Variants in CDH1 observed in about 807,000 individuals in gnomAD.
The protein encoded by CDH1 is cadherin-1.
Under a neutral mutation model 84.5 loss-of-function variants are expected in CDH1, and 35 were observed. The observed-to-expected ratio is 0.41, with a 90% CI of 0.32 to 0.55. The LOEUF (loss-of-function observed/expected upper bound fraction) is 0.55, where lower values mean the gene tolerates loss of function less well. CDH1 is among the 20% of genes least tolerant of loss of function. The pLI, the probability that CDH1 is intolerant of heterozygous loss-of-function variation, is 0.19. For missense variants in CDH1, 994 were observed against 1,126.6 expected, an observed-to-expected ratio of 0.88 and a Z score of 1.68; for synonymous variants, 417 against 439.0, an observed-to-expected ratio of 0.95 and a Z score of 0.63.
rs35209843 is a variant in CDH1 at position 68,748,111 on chromosome 16, C to CTTT, written c.163+9716_163+9718dup. Among the ~76,000 whole-genome samples, 39 of 113,140 alleles carry CTTT rather than the reference C, an allele frequency of 3.4e-4. 1 individual carries two copies. Among genetic ancestry groups the CTTT allele is most frequent in the African/African-American group, 1.2e-3 (37 of 29,938 alleles). The allele number at this position is 113,140 out of a possible 152,430, so 74.2% of individuals were successfully genotyped here. On this transcript the variant is annotated intron_variant, in intron 2 of 15. Transcript: ENST00000261769. ...TAAAAAAATTTTTAAAAATTATTTA[C>CTTT]TTTTTTTTTTTTTTTTTTGAGACAG... is the stretch of plus-strand genomic sequence containing the variant.
chr16:68,755,168 T>C (rs534324795), intron 2 of CDH1, among the ~76,000 whole-genome samples: 31 of 150,794 alleles, frequency 2.1e-4, no homozygotes, highest in Non-Finnish European at 4.0e-4. Flanking sequence ...TCCCAGCTAC[T>C]TGGGAGCTGG....
intron 9 of CDH1, 63 bp from the exon 10 acceptor site, chr16:68,815,452 T>G: frequency 1.2e-6 from 2 of 1,607,050 alleles, no homozygotes; most frequent in Non-Finnish European, 1.7e-6. Flanking sequence ...AAGGATTTAA[T>G]TTTATTTTTA....
rs889358029 is a variant in CDH1 at position 68,823,992 on chromosome 16, C to CTT, written c.2164+387_2164+388dup. ...GCATAGGGCCACAGATTCTGCATTT[C>CTT]TTTTTTTTTTTTTTTTTTTTTTGAG... On this transcript the variant is annotated intron_variant, in intron 13 of 15. Transcript: ENST00000261769. 5.4e-3 allele frequency among the ~76,000 whole-genome samples: 541 copies of CTT among 99,838 alleles called. 7 individuals are homozygous for CTT. Among genetic ancestry groups the CTT allele is most frequent in the Middle Eastern group, 0.014 (2 of 140 alleles). The allele number at this position is 99,838 out of a possible 152,430, so 65.5% of individuals were successfully genotyped here. A position where few individuals can be genotyped will look rare whatever the true frequency, so the allele number is the denominator to read the frequency against.
chr16:68,808,312 CT>C, intron 3 of CDH1, 111 bp from the exon 4 acceptor site: 5 of 1,084,416 alleles, frequency 4.6e-6, no homozygotes, highest in Non-Finnish European at 7.1e-6. Flanking sequence ...TAAATTCAAA[CT>C]GTACACTGCC....
intron 2 of CDH1, among the ~76,000 whole-genome samples, chr16:68,768,375 T>C (rs755218884): frequency 1.6e-4 from 25 of 152,228 alleles, no homozygotes; most frequent in Non-Finnish European, 3.1e-4. Flanking sequence ...ACAAGATCAG[T>C]TGCGTAATTA....
At position 68,810,305 on chromosome 16, in the gene CDH1, G is replaced by T. The variant is rs1555515463; in HGVS notation, c.796G>T (p.Val266Phe). The T allele has an allele frequency of 1.2e-6, 2 of 1,614,126 alleles. No individual in the cohort carries two copies. Among genetic ancestry groups the T allele is most frequent in the South Asian group, 2.2e-5 (2 of 91,082 alleles). ...NDNKPEFTQE[V>F]FKGSVMEGAL... ...CAACAAGCCCGAATTCACCCAGGAG[G>T]TCTTTAAGGGGTCTGTCATGGAAGG... The change falls in exon 6 of 16, where the codon GTC becomes TTC. Residue 266 changes from valine (V) to phenylalanine (F), a missense_variant. Transcript: ENST00000261769.
In CDH1 at chr16:68,833,343, C is replaced by G. The variant is rs779267700; in HGVS notation, c.2493C>G (p.Leu831=). 6 of 1,614,062 alleles carry G rather than the reference C, an allele frequency of 3.7e-6. No individual in the cohort carries two copies. The East Asian group carries it at 1.3e-4, about 36-fold the overall frequency. ...CAGCCCCGCCTTATGATTCTCTGCT[C>G]GTGTTTGACTATGAAGGAAGCGGTT... The part of the protein sequence containing the change: ...DPTAPPYDSL[L]VFDYEGSGSE... Residue 831 remains leucine (L), a synonymous_variant, in exon 16 of 16, where the codon CTC becomes CTG. Coordinates refer to ENST00000261769, the MANE Select transcript of CDH1 (RefSeq NM_004360.5).
chr16:68,750,680 G>A (rs1962863606), intron 2 of CDH1, among the ~76,000 whole-genome samples: 1 of 151,066 alleles, frequency 6.6e-6, no homozygotes, highest in Non-Finnish European at 1.5e-5. Context: ...TGGCATTCAG[G>A]TACGCCTGTA....
At chr16:68,831,651 T>C (rs1039132517) in intron 15 of CDH1, among the ~76,000 whole-genome samples, 6 of 152,066 alleles carry the variant, frequency 3.9e-5, no homozygotes, top group Admixed American at 2.6e-4. Flanking sequence ...GCGATTCTCC[T>C]GCCTCAGCCT....
chr16:68,758,161 A>T, intron 2 of CDH1, among the ~76,000 whole-genome samples: 1 of 113,372 alleles, frequency 8.8e-6, no homozygotes, highest in South Asian at 2.8e-4. Context: ...CCTCCCCTCT[A>T]TCCCAACCCC....
chr16:68,827,292 A>G (rs117776062), intron 13 of CDH1, among the ~76,000 whole-genome samples: 4,722 of 152,096 alleles, frequency 0.031, 119 homozygotes, highest in East Asian at 0.072. Context: ...AAATAAATAA[A>G]TAAATAAAGA....
intron 2 of CDH1, among the ~76,000 whole-genome samples, chr16:68,789,952 A>T (rs1818431366): frequency 1.3e-5 from 2 of 152,214 alleles, no homozygotes; most frequent in African/African-American, 4.8e-5. Context: ...TCTACTCGGG[A>T]GGCTGAGGCA....
In CDH1 at chr16:68,749,828, C is replaced by G. The variant is rs35734566; in HGVS notation, c.163+11417C>G. The stretch of plus-strand genomic sequence containing the variant: ...GCCAAACTCAGCATCTCCAGTGGGA[C>G]CTGATTCACCTTTCTAAAGGAAACG... On this transcript the variant is annotated intron_variant, in intron 2 of 15. Transcript: ENST00000261769. Among the ~76,000 whole-genome samples, 705 of 152,292 alleles carry G rather than the reference C, an allele frequency of 4.6e-3. 17 individuals are homozygous for G. In the East Asian group the frequency reaches 0.047, roughly 10 times the overall value.
chr16:68,749,805 C>A (rs1962842377), intron 2 of CDH1, among the ~76,000 whole-genome samples: 1 of 152,218 alleles, frequency 6.6e-6, no homozygotes, highest in African/African-American at 2.4e-5. Context: ...ACACTGTTGC[C>A]AAACTCAGCA....
intron 10 of CDH1, among the ~76,000 whole-genome samples, chr16:68,818,533 C>CTT (rs869272949): frequency 2.4e-4 from 30 of 123,326 alleles, no homozygotes; most frequent in Middle Eastern, 4.3e-3. Context: ...TCTTGGTTTT[C>CTT]TTTTTTTTTT....
intron 9 of CDH1, among the ~76,000 whole-genome samples, chr16:68,815,313 C>A (rs1960951548): frequency 1.3e-5 from 2 of 152,026 alleles, no homozygotes; most frequent in African/African-American, 4.8e-5. Flanking sequence ...CCCAGCTTTG[C>A]CTTCCTCTTG....
At chr16:68,792,792 T>C (rs1293816831) in intron 2 of CDH1, among the ~76,000 whole-genome samples, 1 of 152,236 alleles carries the variant, frequency 6.6e-6, no homozygotes, top group African/African-American at 2.4e-5. Flanking sequence ...GGTCCTGGGC[T>C]AATTTTTCCT....
chr16:68,781,635 G>C (rs544576086), intron 2 of CDH1, among the ~76,000 whole-genome samples: 1 of 152,120 alleles, frequency 6.6e-6, no homozygotes, highest in African/African-American at 2.4e-5. Context: ...CACCATGCCC[G>C]GCCAATTTTT....
Position 68,758,345 on chromosome 16 carries a change from C to T in CDH1, c.163+19934C>T, listed in dbSNP as rs1190661147. Among the ~76,000 whole-genome samples the T allele has an allele frequency of 2.0e-5, 3 of 150,236 alleles. No individual in the cohort carries two copies. In the East Asian group the frequency reaches 5.9e-4, roughly 29 times the overall value. On this transcript the variant is annotated intron_variant, in intron 2 of 15. Coordinates refer to ENST00000261769, the MANE Select transcript of CDH1 (RefSeq NM_004360.5). ...ACAAAGGGGATAAACATAGCCCCTA[C>T]CACAAAGGATTGCAATGAGGATTCA...
Sources: gnomAD v4.1 joint callset for allele counts (sites outside exome capture counted in the v4.1 genomes callset) on GRCh38, gnomAD v4.1.1 for gene constraint, MANE v1.5 for transcripts, NCBI Gene and HGNC (gene_info 2026-07-23, HGNC 2026-07-21) for gene names.